The following SERAC1 variants were observed in gnomAD, a reference collection of about 807,000 sequenced individuals.
SERAC1 encodes serine active site containing 1, also known as protein SERAC1.
Under a neutral mutation model 85.7 loss-of-function variants are expected in SERAC1, and 36 were observed. That is an observed-to-expected ratio of 0.42 (90% CI 0.32 to 0.55). The LOEUF (loss-of-function observed/expected upper bound fraction) is 0.55. Ranked by LOEUF, SERAC1 falls within the 20% of genes least tolerant of loss-of-function variation. The pLI is 0.11. For synonymous variants in SERAC1, 242 were observed against 265.3 expected (o/e 0.91, Z 0.85); for missense variants, 629 against 796.2 (o/e 0.79, Z 2.53).
At position 158,138,471 on chromosome 6, in the gene SERAC1, T is replaced by C. The variant is rs184296442; in HGVS notation, c.738+4585A>G. Among the ~76,000 whole-genome samples, 547 of 140,908 alleles carry C rather than the reference T, an allele frequency of 3.9e-3. 6 individuals carry two copies. The highest frequency in any genetic ancestry group is 0.014 in the African/African-American group (524 of 37,308). The allele number at this position is 140,908 out of a possible 152,430, so 92.4% of individuals were successfully genotyped here. ...AAAAAAAAAAAAGGTAGCATGGTGG[T>C]ATTAAACCACTTTCCCTCTCTTCAC... On this transcript the variant is annotated intron_variant, in intron 8 of 16. Transcript: ENST00000647468.
chr6:158,164,239 G>A (rs1785547550), intron 1 of SERAC1, among the ~76,000 whole-genome samples: 1 of 151,854 alleles, frequency 6.6e-6, no homozygotes, highest in Non-Finnish European at 1.5e-5. Flanking sequence ...ACTTTGGGAG[G>A]CCGAGGCAGG....
At chr6:158,159,073 A>G (rs1785423198) in intron 1 of SERAC1, 1 of 152,172 alleles carries the variant, frequency 6.6e-6, no homozygotes, top group Non-Finnish European at 1.5e-5. Context: ...AGGGAAAGGA[A>G]GGAAGGTACC....
intron 2 of SERAC1, among the ~76,000 whole-genome samples, chr6:158,157,011 T>G (rs768923026): frequency 6.8e-6 from 1 of 146,128 alleles, no homozygotes; most frequent in Non-Finnish European, 1.5e-5. Context: ...TATATATATA[T>G]GTATAGACAG....
chr6:158,128,314 T>G lies in SERAC1; in HGVS notation c.853-44A>C, dbSNP rs774340193. On this transcript the variant is annotated intron_variant, in intron 9 of 16. Coordinates refer to ENST00000647468, the MANE Select transcript of SERAC1 (RefSeq NM_032861.4). ...AGAAGCTCCCTTGACATTGTACAAA[T>G]TCATGACGTGAGATGACACAGCCTG... 6 of 1,599,226 alleles carry G rather than the reference T, an allele frequency of 3.8e-6. No individual in the cohort carries two copies. In the East Asian group the frequency reaches 1.3e-4, roughly 36 times the overall value.
At chr6:158,141,262 T>C (rs1784908691) in intron 8 of SERAC1, among the ~76,000 whole-genome samples, 1 of 152,138 alleles carries the variant, frequency 6.6e-6, no homozygotes, top group African/African-American at 2.4e-5. Flanking sequence ...GAAAAATAGA[T>C]CAGTGGTTAC....
intron 8 of SERAC1, among the ~76,000 whole-genome samples, chr6:158,135,367 A>G (rs1418717068): frequency 6.6e-6 from 1 of 152,122 alleles, no homozygotes; most frequent in East Asian, 1.9e-4. Flanking sequence ...TCCCGTCTCT[A>G]CTAAAAATAC....
rs552233983 is a variant in SERAC1, at chr6:158,116,070, G to C, written c.1501+115C>G. Reference sequence around the variant, plus strand: ...TAGCTACACAGATTAATTTAGCAGGGGGGGTAAGGGAGCCGCTATTAAGTA... The same window carrying C: ...TAGCTACACAGATTAATTTAGCAGGCGGGGTAAGGGAGCCGCTATTAAGTA... On this transcript the variant is annotated intron_variant, in intron 14 of 16. Transcript: ENST00000647468. 2,135 of 745,702 alleles carry C rather than the reference G, an allele frequency of 2.9e-3. 6 individuals carry two copies. Among genetic ancestry groups the C allele is most frequent in the Non-Finnish European group, 4.2e-3 (1,811 of 435,978 alleles). The allele number at this position is 745,702 out of a possible 1,614,324, so 46.2% of individuals were successfully genotyped here.
chr6:158,163,287 A>G lies in SERAC1; in HGVS notation c.-2+4853T>C, dbSNP rs57381919. Among the ~76,000 whole-genome samples the G allele has an allele frequency of 8.7e-3, 1,322 of 152,330 alleles. 9 individuals are homozygous for G. The highest frequency in any genetic ancestry group is 0.027 in the Middle Eastern group (8 of 294). ...CTCAAAAAGCTGACATGTAACTTCT[A>G]AACTTTCCTTTACACGAGATATATG... On this transcript the variant is annotated intron_variant, in intron 1 of 16. Transcript: ENST00000647468.
At chr6:158,127,336 CT>C in intron 10 of SERAC1, among the ~76,000 whole-genome samples, 1 of 5,622 alleles carries the variant, frequency 1.8e-4, no homozygotes, top group African/African-American at 5.0e-4. Flanking sequence ...TGAGGAGCCC[CT>C]CTGCCCGGCC....
intron 1 of SERAC1, among the ~76,000 whole-genome samples, chr6:158,159,828 A>G (rs998721050): frequency 2.0e-5 from 3 of 151,938 alleles, no homozygotes; most frequent in African/African-American, 7.3e-5. Flanking sequence ...GTTTCACCAT[A>G]TTACCCAGGC....
Position 158,116,099 on chromosome 6 carries a change from T to A in SERAC1, c.1501+86A>T, listed in dbSNP as rs867963232. The A allele has an allele frequency of 8.9e-5, 98 of 1,098,776 alleles. 1 individual carries two copies. The Middle Eastern group carries it at 4.2e-3, about 47-fold the overall frequency. 68.1% of individuals were successfully genotyped at this position (1,098,776 alleles called of 1,614,324 possible). A position where few individuals can be genotyped will look rare whatever the true frequency, so the allele number is the denominator to read the frequency against. On this transcript the variant is annotated intron_variant, in intron 14 of 16. Transcript: ENST00000647468. ...GTAAGGGAGCCGCTATTAAGTAAAA[T>A]GGAAAGATAAAATAACTTTAGGTTG... is the stretch of plus-strand genomic sequence containing the variant.
In SERAC1 at chr6:158,119,147, A is replaced by C. The variant is rs1211431584; in HGVS notation, c.1190T>G (p.Leu397Arg). The C allele has an allele frequency of 6.2e-7, 1 of 1,612,470 alleles. No homozygotes were observed. The highest frequency in any genetic ancestry group is 8.5e-7 in the Non-Finnish European group (1 of 1,179,220). Reference protein sequence around the residue: ...RTSQPIKADVLFIHGLMGAAF... With the variant: ...RTSQPIKADVRFIHGLMGAAF... ...TGCTCCCATAAGGCCATGAATAAAA[A>C]GGACATCTGCTTTAATGGGCTGACT... Residue 397 changes from leucine to arginine, a missense_variant, in exon 12 of 17, where the codon CTT becomes CGT. Coordinates refer to ENST00000647468, the MANE Select transcript of SERAC1 (RefSeq NM_032861.4). The surrounding 1 kb of genome is among the most constrained non-coding windows in gnomAD (Gnocchi z 4.5).
At chr6:158,159,628 C>CT (rs201267756) in intron 1 of SERAC1, among the ~76,000 whole-genome samples, 44,297 of 143,310 alleles carry the variant, frequency 0.31, 6,940 homozygotes, top group Admixed American at 0.45. Flanking sequence ...TTAAGATTAT[C>CT]TTTTTTTTTT....
intron 2 of SERAC1, 99 bp from the exon 3 acceptor site, chr6:158,155,450 G>A: frequency 3.1e-6 from 2 of 655,006 alleles, no homozygotes; most frequent in African/African-American, 1.8e-5. Flanking sequence ...TATATTATCA[G>A]ATAAGAAGTT....
At chr6:158,138,828 G>A (rs1003618243) in intron 8 of SERAC1, among the ~76,000 whole-genome samples, 1 of 152,172 alleles carries the variant, frequency 6.6e-6, no homozygotes, top group Non-Finnish European at 1.5e-5. Flanking sequence ...ACAGGGTTGT[G>A]GTTTCCTAGG....
In SERAC1 at chr6:158,119,314, T is replaced by C. The variant is rs984461625; in HGVS notation, c.1167-144A>G. The C allele has an allele frequency of 1.7e-4, 167 of 991,496 alleles. No individual in the cohort carries two copies. The East Asian group carries it at 4.6e-3, about 27-fold the overall frequency. 61.4% of individuals were successfully genotyped at this position (991,496 alleles called of 1,614,324 possible). A position where few individuals can be genotyped will look rare whatever the true frequency, so the allele number is the denominator to read the frequency against. On this transcript the variant is annotated intron_variant, in intron 11 of 16. Transcript: ENST00000647468. The surrounding 1 kb of genome is among the most constrained non-coding windows in gnomAD (Gnocchi z 4.5). ...TTAAAGCAAGCTCTATAAGCACAGG[T>C]TTGCTGGGAAAACCTAGAAGGAGCT...
Position 158,114,830 on chromosome 6 carries a change from T to C in SERAC1, c.1643A>G (p.Tyr548Cys), listed in dbSNP as rs781401323. 1.9e-6 allele frequency: 3 copies of C among 1,614,066 alleles called. No individual in the cohort carries two copies. Among genetic ancestry groups the C allele is most frequent in the Non-Finnish European group, 2.5e-6 (3 of 1,179,988 alleles). ...GACTTCCAACGAGGGGAAGAGAAGATAGCGAATATTAACAGAGTATTCAGC... is the reference window on the plus strand; with the variant it reads ...GACTTCCAACGAGGGGAAGAGAAGACAGCGAATATTAACAGAGTATTCAGC... ...RLAEYSVNIR[Y>C]LLFPSLEVKE... The change falls in exon 15 of 17, where the codon TAT (tyrosine) becomes TGT (cysteine). Residue 548 changes from tyrosine to cysteine, a missense_variant. By Grantham distance (194) the Tyr-to-Cys change is radical. Transcript: ENST00000647468.
At chr6:158,121,330 T>C (rs1784418254) in intron 10 of SERAC1, among the ~76,000 whole-genome samples, 1 of 152,076 alleles carries the variant, frequency 6.6e-6, no homozygotes, top group African/African-American at 2.4e-5. Context: ...TGAAGTACGG[T>C]GAAAAATCTA....
rs116156847 is a variant in SERAC1 at position 158,120,637 on chromosome 6, T to C, written c.1016-62A>G. On this transcript the variant is annotated intron_variant, in intron 10 of 16. Coordinates refer to ENST00000647468, the MANE Select transcript of SERAC1 (RefSeq NM_032861.4). This position sits in a 1 kb window ranked among gnomAD's most constrained non-coding sequence, Gnocchi z 4.4. ...AATCCATCGCAGACCACAGAGAGAG[T>C]GAGGTTTCAAACTGAATATGATGGG... 7.6e-4 allele frequency: 1,172 copies of C among 1,545,444 alleles called. 8 individuals are homozygous for C. In the African/African-American group the frequency reaches 0.015, roughly 19 times the overall value.
Sources: gnomAD v4.1 joint callset for allele counts (sites outside exome capture counted in the v4.1 genomes callset) on GRCh38, gnomAD v4.1.1 for gene constraint, Gnocchi (gnomAD v3.1) non-coding constraint, MANE v1.5 for transcripts, NCBI Gene and HGNC (gene_info 2026-07-23, HGNC 2026-07-21) for gene names.